The following ARHGAP42 variants were observed in gnomAD, a reference collection of about 807,000 sequenced individuals.
ARHGAP42 encodes the protein Rho GTPase activating protein 42.
ARHGAP42 carries 63 observed loss-of-function variants against 125.0 expected under a neutral mutation model. That is an observed-to-expected ratio of 0.50 (90% CI 0.41 to 0.62). ARHGAP42 has a LOEUF of 0.62. ARHGAP42 is among the 20% of genes least tolerant of loss of function. The probability of loss-of-function intolerance (pLI) is 0.00; values close to 1 mark genes in which losing one functional copy is unlikely to be tolerated. For synonymous variants in ARHGAP42, 339 were observed against 351.0 expected, an observed-to-expected ratio of 0.97 and a Z score of 0.38; for missense variants, 766 against 1,024.2, an observed-to-expected ratio of 0.75 and a Z score of 3.44.
chr11:100,760,941 C>A (rs1293816220), intron 1 of ARHGAP42, among the ~76,000 whole-genome samples: 2 of 152,044 alleles, frequency 1.3e-5, no homozygotes, highest in African/African-American at 2.4e-5. Context: ...CTTTCCCTTA[C>A]TGTTGATAAG....
intron 4 of ARHGAP42, among the ~76,000 whole-genome samples, chr11:100,892,725 G>A (rs926682795): frequency 2.0e-5 from 3 of 152,098 alleles, no homozygotes; most frequent in African/African-American, 7.2e-5. Context: ...AGTGCTGCCT[G>A]CCCTTAAAAT....
At position 100,787,767 on chromosome 11, in the gene ARHGAP42, C is replaced by T. The variant is rs375970663; in HGVS notation, c.251-7338C>T. 6.6e-5 allele frequency among the ~76,000 whole-genome samples: 10 copies of T among 152,122 alleles called. No homozygotes were observed. In the South Asian group the frequency reaches 1.5e-3, roughly 22 times the overall value. On this transcript the variant is annotated intron_variant, in intron 2 of 23. Coordinates refer to ENST00000298815, the MANE Select transcript of ARHGAP42 (RefSeq NM_152432.4). ...GCTAGACTATGGGTCATAACCCCTGCCAAGAGTCTGGGTAGTATGGTTAAA... is the reference window on the plus strand; with the variant it reads ...GCTAGACTATGGGTCATAACCCCTGTCAAGAGTCTGGGTAGTATGGTTAAA...
chr11:100,942,537 A>G (rs1260055676), intron 9 of ARHGAP42, among the ~76,000 whole-genome samples: 1 of 152,168 alleles, frequency 6.6e-6, no homozygotes, highest in African/African-American at 2.4e-5. Context: ...GAACTTTTGA[A>G]TTAATTAGGT....
chr11:100,713,072 C>T (rs970290716), intron 1 of ARHGAP42, among the ~76,000 whole-genome samples: 4 of 152,082 alleles, frequency 2.6e-5, no homozygotes, highest in African/African-American at 9.7e-5. Context: ...TTAATTATAC[C>T]AGGTGTTCCC....
At chr11:100,964,244 G>A (rs191850009) in intron 16 of ARHGAP42, among the ~76,000 whole-genome samples, 24 of 152,226 alleles carry the variant, frequency 1.6e-4, no homozygotes, top group African/African-American at 5.8e-4. Flanking sequence ...CCTGCAACCA[G>A]GAACTGCCAA....
intron 1 of ARHGAP42, among the ~76,000 whole-genome samples, chr11:100,763,480 T>A (rs1862757528): frequency 6.6e-6 from 1 of 152,104 alleles, no homozygotes; most frequent in Admixed American, 6.5e-5. Context: ...TACATTTCCT[T>A]TGTCTTTTTA....
chr11:100,820,988 T>C (rs999614911), intron 3 of ARHGAP42, among the ~76,000 whole-genome samples: 2 of 152,056 alleles, frequency 1.3e-5, no homozygotes, highest in Non-Finnish European at 2.9e-5. Flanking sequence ...TCTTTTTTAG[T>C]GCTTCCCTTT....
chr11:100,722,771 C>A (rs1317575292), intron 1 of ARHGAP42, among the ~76,000 whole-genome samples: 1 of 152,296 alleles, frequency 6.6e-6, no homozygotes, highest in Non-Finnish European at 1.5e-5. Flanking sequence ...CCAACAGTTT[C>A]TTTCACAGAA....
intron 2 of ARHGAP42, among the ~76,000 whole-genome samples, chr11:100,789,632 C>T (rs573494020): frequency 7.2e-5 from 11 of 152,286 alleles, no homozygotes; most frequent in Admixed American, 6.5e-4. Context: ...TCACCTAATG[C>T]GTCTTGCATG....
At chr11:100,771,795 G>A (rs764955013) in intron 2 of ARHGAP42, among the ~76,000 whole-genome samples, 1 of 152,008 alleles carries the variant, frequency 6.6e-6, no homozygotes, top group Admixed American at 6.6e-5. Flanking sequence ...TAGAGACGGG[G>A]TTTCACTATG....
chr11:100,962,317 A>G, intron 15 of ARHGAP42, 92 bp from the exon 16 acceptor site: 1 of 967,118 alleles, frequency 1.0e-6, no homozygotes, highest in Non-Finnish European at 1.5e-6. Context: ...ATTGATGAAT[A>G]ACAGTCACCT....
chr11:100,988,347 A>G (rs1469437008), intron 23 of ARHGAP42, among the ~76,000 whole-genome samples: 2 of 152,328 alleles, frequency 1.3e-5, no homozygotes, highest in East Asian at 3.9e-4. Flanking sequence ...GAATTTTTGC[A>G]TGCACACTTT....
At chr11:100,769,375 T>A (rs1470796350) in intron 1 of ARHGAP42, among the ~76,000 whole-genome samples, 1 of 152,184 alleles carries the variant, frequency 6.6e-6, no homozygotes, top group Admixed American at 6.5e-5. Flanking sequence ...CTCGGTTAGG[T>A]TGCATCCTGG....
intron 22 of ARHGAP42, chr11:100,986,041 A>G (rs764988776): frequency 4.4e-6 from 2 of 456,694 alleles, no homozygotes; most frequent in South Asian, 3.1e-5. Context: ...ATGAACCCAG[A>G]ACATCTTTCC....
At chr11:100,709,386 A>G (rs1239724025) in intron 1 of ARHGAP42, among the ~76,000 whole-genome samples, 1 of 152,178 alleles carries the variant, frequency 6.6e-6, no homozygotes, top group Non-Finnish European at 1.5e-5. Flanking sequence ...GATATCTGAG[A>G]CAGCTCTTAA....
intron 1 of ARHGAP42, among the ~76,000 whole-genome samples, chr11:100,703,478 A>G (rs73573327): frequency 0.12 from 18,183 of 152,142 alleles, 1,623 homozygotes; most frequent in African/African-American, 0.24. Context: ...TTTCTTGTCA[A>G]TGTTATTATC....
chr11:100,699,826 C>G (rs1315659511), intron 1 of ARHGAP42, among the ~76,000 whole-genome samples: 1 of 152,000 alleles, frequency 6.6e-6, no homozygotes, highest in Non-Finnish European at 1.5e-5. Context: ...CTTGGTGATT[C>G]TCTTATAATT....
At chr11:100,799,471 C>A (rs1201065610) in intron 3 of ARHGAP42, among the ~76,000 whole-genome samples, 1 of 152,186 alleles carries the variant, frequency 6.6e-6, no homozygotes, top group East Asian at 1.9e-4. Context: ...GATCCTTACT[C>A]TACCTATGTG....
intron 2 of ARHGAP42, among the ~76,000 whole-genome samples, chr11:100,779,816 A>C (rs1224726938): frequency 6.6e-6 from 1 of 151,740 alleles, no homozygotes; most frequent in Non-Finnish European, 1.5e-5. Context: ...ACCTGAAGTC[A>C]GGAGTTCGAG....
Sources: gnomAD v4.1 joint callset for allele counts (sites outside exome capture counted in the v4.1 genomes callset) on GRCh38, gnomAD v4.1.1 for gene constraint, MANE v1.5 for transcripts, NCBI Gene and HGNC (gene_info 2026-07-23, HGNC 2026-07-21) for gene names.